The following CDH10 variants were observed in gnomAD, a reference collection of about 807,000 sequenced individuals.
The protein encoded by CDH10 is cadherin-10.
In CDH10, 30 loss-of-function variants were observed where a neutral mutation model predicts 73.1. That is an observed-to-expected ratio of 0.41 (90% confidence interval 0.31 to 0.56). The LOEUF is 0.56. CDH10 is among the 20% of genes least tolerant of loss of function. CDH10 has a pLI of 0.27. For synonymous variants in CDH10, 345 were observed against 348.2 expected, an observed-to-expected ratio of 0.99 and a Z score of 0.10; for missense variants, 815 against 973.7, an observed-to-expected ratio of 0.84 and a Z score of 2.17.
At position 24,639,256 on chromosome 5, in the gene CDH10, A is replaced by G. The variant is rs35131618; in HGVS notation, c.-124+5338T>C. ...TAATTCAGAAGTCCCAGAATTTACA[A>G]TGGATTCAAAGGAAGTTTATTTGAC... On this transcript the variant is annotated intron_variant, in intron 1 of 11. Coordinates refer to ENST00000264463, the MANE Select transcript of CDH10 (RefSeq NM_006727.5). Among the ~76,000 whole-genome samples the G allele has an allele frequency of 4.8e-3, 736 of 151,820 alleles. 4 individuals carry two copies. Among genetic ancestry groups the G allele is most frequent in the Middle Eastern group, 0.024 (7 of 292 alleles).
chr5:24,589,113 A>G (rs1746117849), intron 2 of CDH10, among the ~76,000 whole-genome samples: 2 of 152,164 alleles, frequency 1.3e-5, no homozygotes, highest in Non-Finnish European at 2.9e-5. Flanking sequence ...CACTGTGTGC[A>G]TAATACTGGA....
chr5:24,531,302 T>C (rs1383712522), intron 5 of CDH10, among the ~76,000 whole-genome samples: 1 of 152,050 alleles, frequency 6.6e-6, no homozygotes, highest in East Asian at 1.9e-4. Flanking sequence ...CACTGATGCT[T>C]TTACTTATGT....
intron 2 of CDH10, among the ~76,000 whole-genome samples, chr5:24,574,134 C>G (rs1660688811): frequency 6.6e-6 from 1 of 152,020 alleles, no homozygotes; most frequent in African/African-American, 2.4e-5. Flanking sequence ...ATCCGCCCGC[C>G]TCGGCCTCTC....
intron 2 of CDH10, among the ~76,000 whole-genome samples, chr5:24,566,864 A>C (rs1049681718): frequency 6.6e-6 from 1 of 152,124 alleles, no homozygotes; most frequent in Non-Finnish European, 1.5e-5. Context: ...ACTAAAATTA[A>C]AACTTCTCCT....
At chr5:24,555,451 A>C (rs1278852451) in intron 2 of CDH10, among the ~76,000 whole-genome samples, 1 of 152,146 alleles carries the variant, frequency 6.6e-6, no homozygotes, top group Non-Finnish European at 1.5e-5. Flanking sequence ...CAATGAGCTC[A>C]AACAGATGTA....
intron 2 of CDH10, among the ~76,000 whole-genome samples, chr5:24,570,675 T>C (rs1745344509): frequency 1.3e-5 from 2 of 152,110 alleles, no homozygotes; most frequent in Non-Finnish European, 1.5e-5. Context: ...TATATATATA[T>C]ACTAGAGTAA....
At chr5:24,598,146 T>G (rs1187504501) in intron 1 of CDH10, among the ~76,000 whole-genome samples, 1 of 151,988 alleles carries the variant, frequency 6.6e-6, no homozygotes, top group Non-Finnish European at 1.5e-5. Flanking sequence ...GCATACTAAA[T>G]ACTTCCTTTT....
At chr5:24,533,462 G>T (rs558313001) in intron 5 of CDH10, among the ~76,000 whole-genome samples, 9 of 152,066 alleles carry the variant, frequency 5.9e-5, no homozygotes, top group African/African-American at 2.2e-4. Context: ...TATTAAATGT[G>T]TCATTTGTAA....
intron 2 of CDH10, among the ~76,000 whole-genome samples, chr5:24,579,303 T>C (rs969058651): frequency 2.0e-5 from 3 of 151,792 alleles, no homozygotes; most frequent in East Asian, 1.9e-4. Flanking sequence ...CGATATTGTA[T>C]TAGATTCTTT....
At chr5:24,554,830 A>T (rs1311597477) in intron 2 of CDH10, among the ~76,000 whole-genome samples, 1 of 152,100 alleles carries the variant, frequency 6.6e-6, no homozygotes, top group African/African-American at 2.4e-5. Context: ...AGTACCTTTA[A>T]TCTGACCATT....
Position 24,495,885 on chromosome 5 carries a change from A to C in CDH10, c.1515+2513T>G, listed in dbSNP as rs190479715. Among the ~76,000 whole-genome samples, 106 of 94,960 alleles carry C rather than the reference A, an allele frequency of 1.1e-3. 1 individual carries two copies. In the East Asian group the frequency reaches 0.049, roughly 44 times the overall value. 62.3% of individuals were successfully genotyped at this position (94,960 alleles called of 152,430 possible). On this transcript the variant is annotated intron_variant, in intron 9 of 11. Transcript: ENST00000264463. ...AAAAAAAAAAGAAAGAAAGAAAAAG[A>C]AAAAAAAAGCACCCTTGAACCCTTT...
intron 2 of CDH10, among the ~76,000 whole-genome samples, chr5:24,555,917 C>T (rs953132321): frequency 6.6e-6 from 1 of 152,032 alleles, no homozygotes; most frequent in Non-Finnish European, 1.5e-5. Context: ...CTTTACTATA[C>T]CTCAAAGATA....
intron 1 of CDH10, among the ~76,000 whole-genome samples, chr5:24,642,668 A>AT (rs1748091133): frequency 6.6e-6 from 1 of 152,176 alleles, no homozygotes; most frequent in Non-Finnish European, 1.5e-5. Flanking sequence ...TTCTATAAAC[A>AT]TCAAGGAACA....
intron 8 of CDH10, among the ~76,000 whole-genome samples, chr5:24,503,239 A>C (rs966168883): frequency 6.6e-6 from 1 of 152,146 alleles, no homozygotes; most frequent in African/African-American, 2.4e-5. Context: ...GTGTTTGTGG[A>C]TTCAGCTTAG....
chr5:24,591,142 A>C (rs1746186799), intron 2 of CDH10, among the ~76,000 whole-genome samples: 1 of 151,944 alleles, frequency 6.6e-6, no homozygotes, highest in Non-Finnish European at 1.5e-5. Flanking sequence ...TTGTCATATC[A>C]TGTGTATGTT....
chr5:24,612,500 T>A (rs1746984599), intron 1 of CDH10: 1 of 152,184 alleles, frequency 6.6e-6, no homozygotes, highest in African/African-American at 2.4e-5. Flanking sequence ...GACAGTACGG[T>A]TGAATTAAAA....
chr5:24,636,878 A>T (rs139092419), intron 1 of CDH10, among the ~76,000 whole-genome samples: 270 of 152,002 alleles, frequency 1.8e-3, no homozygotes, highest in African/African-American at 6.2e-3. Flanking sequence ...CGGATCACCA[A>T]CCAAAAGGCT....
chr5:24,492,539 T>A (rs1742101611), intron 10 of CDH10, among the ~76,000 whole-genome samples: 1 of 152,182 alleles, frequency 6.6e-6, no homozygotes, highest in African/African-American at 2.4e-5. Context: ...CCTATATTAT[T>A]GTTGTAAGAA....
At chr5:24,526,467 A>G (rs1743535200) in intron 5 of CDH10, among the ~76,000 whole-genome samples, 1 of 151,816 alleles carries the variant, frequency 6.6e-6, no homozygotes. Context: ...CACATGCTGT[A>G]TTTCACTAGC....
Sources: gnomAD v4.1 joint callset for allele counts (sites outside exome capture counted in the v4.1 genomes callset) on GRCh38, gnomAD v4.1.1 for gene constraint, MANE v1.5 for transcripts, NCBI Gene and HGNC (gene_info 2026-07-23, HGNC 2026-07-21) for gene names.